The following CNTLN variants were observed in gnomAD, a reference collection of about 807,000 sequenced individuals.
CNTLN encodes centlein.
CNTLN carries 212 observed loss-of-function variants against 180.0 expected under a neutral mutation model. That is an observed-to-expected ratio of 1.18 (90% CI 1.05 to 1.32). CNTLN has a LOEUF of 1.32. Among genes scored for constraint, CNTLN ranks in the 40% most tolerant of loss-of-function variants. The probability of loss-of-function intolerance (pLI) is 0.00; values close to 1 mark genes in which losing one functional copy is unlikely to be tolerated. For synonymous variants in CNTLN, 722 were observed against 563.1 expected (o/e 1.28, Z -3.99); for missense variants, 2,095 against 1,610.9 (o/e 1.30, Z -5.14).
At position 17,302,123 on chromosome 9, in the gene CNTLN, C is replaced by T. The variant is rs545709144; in HGVS notation, c.1146+3771C>T. On this transcript the variant is annotated intron_variant, in intron 7 of 25. Coordinates refer to ENST00000380647, the MANE Select transcript of CNTLN (RefSeq NM_017738.4). ...ACACACACACACACACACACACAGA[C>T]ACACACACACTGACCTATCCACCCA... 7.2e-4 allele frequency: 653 copies of T among 912,844 alleles called. 1 individual carries two copies. In the African/African-American group the frequency reaches 0.011, roughly 16 times the overall value. The allele number at this position is 912,844 out of a possible 1,614,324, so 56.5% of individuals were successfully genotyped here. A position where few individuals can be genotyped will look rare whatever the true frequency, so the allele number is the denominator to read the frequency against.
At chr9:17,272,435 A>C (rs1198225998) in intron 5 of CNTLN, among the ~76,000 whole-genome samples, 1 of 151,958 alleles carries the variant, frequency 6.6e-6, no homozygotes, top group Non-Finnish European at 1.5e-5. Context: ...TTAGATTTTG[A>C]AGGGTGTGTC....
chr9:17,179,059 ACGG>A (rs1820939483), intron 2 of CNTLN, among the ~76,000 whole-genome samples: 3 of 146,816 alleles, frequency 2.0e-5, no homozygotes, highest in African/African-American at 7.9e-5. Flanking sequence ...CCCGGCTAAA[ACGG>A]TGAAACCCCG....
chr9:17,446,325 T>TCTG (rs1830421201), intron 18 of CNTLN, among the ~76,000 whole-genome samples: 1 of 152,192 alleles, frequency 6.6e-6, no homozygotes, highest in Non-Finnish European at 1.5e-5. Context: ...AACCCACCCC[T>TCTG]ACAGACCCTA....
At chr9:17,377,041 T>G (rs912411978) in intron 13 of CNTLN, among the ~76,000 whole-genome samples, 2 of 152,192 alleles carry the variant, frequency 1.3e-5, no homozygotes, top group Admixed American at 6.5e-5. Flanking sequence ...AAAAGTTTTT[T>G]GTTTCCTCCT....
the CNTLN span, among the ~76,000 whole-genome samples, chr9:17,513,925 A>G: frequency 6.6e-6 from 1 of 152,192 alleles, no homozygotes; most frequent in African/African-American, 2.4e-5. Flanking sequence ...AAGGCATTTT[A>G]AAAATTGTGA....
intron 8 of CNTLN, among the ~76,000 whole-genome samples, chr9:17,311,878 A>C (rs1819160912): frequency 6.6e-6 from 1 of 152,134 alleles, no homozygotes; most frequent in South Asian, 2.1e-4. Context: ...AGAACCTAGA[A>C]GAGCAAAATC....
intron 5 of CNTLN, among the ~76,000 whole-genome samples, chr9:17,264,765 A>C (rs1055673187): frequency 6.6e-6 from 1 of 151,990 alleles, no homozygotes; most frequent in African/African-American, 2.4e-5. Context: ...CATCCCTTGT[A>C]ATTTGGATTC....
chr9:17,273,172 A>G (rs1001277246), intron 5 of CNTLN, among the ~76,000 whole-genome samples: 1 of 117,624 alleles, frequency 8.5e-6, no homozygotes, highest in Non-Finnish European at 1.8e-5. Flanking sequence ...AAATCCTTTC[A>G]CAATGAAAAA....
intron 23 of CNTLN, among the ~76,000 whole-genome samples, chr9:17,475,073 C>G (rs900759891): frequency 1.3e-5 from 2 of 152,096 alleles, no homozygotes; most frequent in African/African-American, 4.8e-5. Context: ...CTTTCTTGCT[C>G]TTTTTTGAAC....
chr9:17,404,583 C>T (rs1161344805), intron 15 of CNTLN, among the ~76,000 whole-genome samples: 1 of 151,612 alleles, frequency 6.6e-6, no homozygotes, highest in Non-Finnish European at 1.5e-5. Flanking sequence ...TTAGGAGGAC[C>T]ATGTTTGGAA....
intron 6 of CNTLN, among the ~76,000 whole-genome samples, chr9:17,290,975 C>A (rs572573131): frequency 7.2e-5 from 11 of 152,094 alleles, no homozygotes; most frequent in Admixed American, 5.9e-4. Flanking sequence ...TCTTCTGTGT[C>A]GCTCATGCTG....
intron 19 of CNTLN, among the ~76,000 whole-genome samples, chr9:17,460,143 T>C (rs1297049383): frequency 1.3e-5 from 2 of 151,734 alleles, no homozygotes; most frequent in Non-Finnish European, 3.0e-5. Flanking sequence ...CTGATGTCTC[T>C]GGTTCATTTA....
chr9:17,307,246 T>C (rs1346465758), intron 7 of CNTLN, among the ~76,000 whole-genome samples: 1 of 151,940 alleles, frequency 6.6e-6, no homozygotes, highest in East Asian at 1.9e-4. Flanking sequence ...TTATTTTAAA[T>C]ATCTCCACAA....
chr9:17,165,304 T>C (rs1819991228), intron 2 of CNTLN, among the ~76,000 whole-genome samples: 1 of 152,188 alleles, frequency 6.6e-6, no homozygotes, highest in Non-Finnish European at 1.5e-5. Context: ...TATTTATCTT[T>C]ACCTCCTCCC....
intron 15 of CNTLN, among the ~76,000 whole-genome samples, chr9:17,404,612 C>T (rs145951524): frequency 6.7e-4 from 102 of 151,882 alleles, no homozygotes; most frequent in African/African-American, 2.3e-3. Flanking sequence ...ATTCATTATA[C>T]ACCTGTTAGT....
At chr9:17,266,848 C>A (rs930608051) in intron 5 of CNTLN, among the ~76,000 whole-genome samples, 1 of 152,130 alleles carries the variant, frequency 6.6e-6, no homozygotes, top group Non-Finnish European at 1.5e-5. Flanking sequence ...TTATCAGAGA[C>A]TAGGATTGCA....
intron 18 of CNTLN, among the ~76,000 whole-genome samples, chr9:17,441,916 A>G (rs1830133523): frequency 6.6e-6 from 1 of 152,222 alleles, no homozygotes; most frequent in Non-Finnish European, 1.5e-5. Flanking sequence ...TCACATATTA[A>G]ATCAAAAACC....
At chr9:17,374,302 C>A (rs1428466580) in intron 13 of CNTLN, among the ~76,000 whole-genome samples, 1 of 152,010 alleles carries the variant, frequency 6.6e-6, no homozygotes, top group Non-Finnish European at 1.5e-5. Context: ...AAAAATGGGC[C>A]AAAGCTGTGA....
At chr9:17,311,636 C>T (rs1364293329) in intron 8 of CNTLN, among the ~76,000 whole-genome samples, 1 of 151,646 alleles carries the variant, frequency 6.6e-6, no homozygotes, top group East Asian at 2.0e-4. Context: ...GGTGAAAGCC[C>T]TTCCTCTACT....
Sources: allele counts gnomAD v4.1 joint callset (sites outside exome capture counted in the v4.1 genomes callset), GRCh38; gene constraint gnomAD v4.1.1; transcripts MANE v1.5; gene names NCBI Gene and HGNC (gene_info 2026-07-23, HGNC 2026-07-21).